Variants in ICE1 observed in about 807,000 individuals in gnomAD.
The protein encoded by ICE1 is interactor of little elongation complex ELL subunit 1.
ICE1 carries 64 observed loss-of-function variants against 192.7 expected under a neutral mutation model. That is an observed-to-expected ratio of 0.33 (90% CI 0.27 to 0.41). ICE1 has a LOEUF of 0.41. Ranked by LOEUF, ICE1 falls within the 10% of genes least tolerant of loss-of-function variation. The probability of loss-of-function intolerance (pLI) is 1.00; values close to 1 mark genes in which losing one functional copy is unlikely to be tolerated. For synonymous variants in ICE1, 1,010 were observed against 984.5 expected (o/e 1.03, Z -0.49); for missense variants, 2,708 against 2,696.0 (o/e 1.00, Z -0.10).
Position 5,461,320 on chromosome 5 carries a change from A to G in ICE1, c.1986A>G (p.Lys662=). 1 of 1,613,962 alleles carries G rather than the reference A, an allele frequency of 6.2e-7. No individual in the cohort carries two copies. Among genetic ancestry groups the G allele is most frequent in the East Asian group, 2.2e-5 (1 of 44,874 alleles). ...GTAATGATACAGATATTACTACTAA[A>G]GTATTCTCTACTGAACCGCATCATT... is the stretch of plus-strand genomic sequence containing the variant. ...DCGNDTDITT[K]VFSTEPHHSE... is the part of the protein sequence containing the mutation. Residue 662 remains lysine, a synonymous_variant, in exon 13 of 19, where the codon AAA becomes AAG. Transcript: ENST00000296564.
Position 5,460,820 on chromosome 5 carries a change from C to G in ICE1, c.1486C>G (p.Gln496Glu), listed in dbSNP as rs1192652280. ...MEVREMDKSV[Q>E]TEKTIHKLTR... ...GGTTAGGGAGATGGATAAGTCAGTA[C>G]AAACTGAGAAGACCATTCATAAACT... The change falls in exon 13 of 19, where the codon CAA becomes GAA. Residue 496 changes from glutamine (Q) to glutamate (E), a missense_variant. Physicochemically the swap from Gln to Glu is conservative, Grantham distance 29. This residue lies in a region of ICE1 where 2,366 missense variants were observed against 2,276.6 expected (regional missense o/e 1.04). Coordinates refer to ENST00000296564, the MANE Select transcript of ICE1 (RefSeq NM_015325.3). 6.2e-7 allele frequency: 1 copy of G among 1,614,010 alleles called. No individual in the cohort carries two copies. Among genetic ancestry groups the G allele is most frequent in the African/African-American group, 1.3e-5 (1 of 75,032 alleles).
At chr5:5,482,037 A>G (rs1261909629) in intron 17 of ICE1, among the ~76,000 whole-genome samples, 1 of 152,262 alleles carries the variant, frequency 6.6e-6, no homozygotes, top group Non-Finnish European at 1.5e-5. Flanking sequence ...TAGATGTCAC[A>G]AAACTCTTTT....
In ICE1 at chr5:5,437,065, T is replaced by G; in HGVS notation, c.144-15T>G. On this transcript the variant is annotated splice_polypyrimidine_tract_variant and intron_variant, in intron 2 of 18. Transcript: ENST00000296564. ...AAATTAAAAAGTAACCTAATTTTTC[T>G]TTTCTTTTTTGCAGTAATTTGTTAA... The G allele has an allele frequency of 6.9e-7, 1 of 1,439,634 alleles. No individual in the cohort carries two copies. The highest frequency in any genetic ancestry group is 2.4e-5 in the East Asian group (1 of 40,854). The allele number at this position is 1,439,634 out of a possible 1,614,324, so 89.2% of individuals were successfully genotyped here.
chr5:5,468,165 T>C (rs1409766323), intron 14 of ICE1, among the ~76,000 whole-genome samples: 1 of 152,218 alleles, frequency 6.6e-6, no homozygotes, highest in African/African-American at 2.4e-5. Flanking sequence ...AGAAAGTACC[T>C]ACTTCACAAA....
intron 17 of ICE1, among the ~76,000 whole-genome samples, chr5:5,478,607 AT>A (rs1739409101): frequency 6.6e-6 from 1 of 152,226 alleles, no homozygotes; most frequent in African/African-American, 2.4e-5. Context: ...ACTACTTTAA[AT>A]TTCATATGGA....
intron 1 of ICE1, among the ~76,000 whole-genome samples, chr5:5,433,514 T>C (rs771846992): frequency 1.3e-5 from 2 of 152,170 alleles, no homozygotes; most frequent in African/African-American, 2.4e-5. Flanking sequence ...TCTTTTATCC[T>C]CTTGTCATCC....
In ICE1 at chr5:5,473,549, A is replaced by G; in HGVS notation, c.6223-9A>G. On this transcript the variant is annotated splice_polypyrimidine_tract_variant and intron_variant, in intron 15 of 18. Transcript: ENST00000296564. ...TCCAGATTTTATTTTATTTCTTTTC[A>G]TTTGCTAGAATGCCCCGGTAGATGT... 1 of 1,598,400 alleles carries G rather than the reference A, an allele frequency of 6.3e-7. No homozygotes were observed. The highest frequency in any genetic ancestry group is 8.5e-7 in the Non-Finnish European group (1 of 1,176,118).
In ICE1 at chr5:5,464,694, C is replaced by T. The variant is rs370539758; in HGVS notation, c.5360C>T (p.Pro1787Leu). 35 of 1,613,772 alleles carry T rather than the reference C, an allele frequency of 2.2e-5. No individual in the cohort carries two copies. Among genetic ancestry groups the T allele is most frequent in the African/African-American group, 1.9e-4 (14 of 74,906 alleles). ...CCGCCTGCTGACTGTAAGAATTTAC[C>T]GGGACCTGCCAGTGCTATGATAGGA... ...RGPPADCKNL[P>L]GPASAMIGFK... Residue 1787 changes from proline (P) to leucine (L), a missense_variant, in exon 13 of 19, where the codon CCG becomes CTG. Around this residue, in one of 2 missense-constraint regions of ICE1, gnomAD observed 2,366 missense variants for 2,276.6 expected, o/e 1.04. Coordinates refer to ENST00000296564, the MANE Select transcript of ICE1 (RefSeq NM_015325.3). The surrounding 1 kb of genome is among the most constrained non-coding windows in gnomAD (Gnocchi z 4.0).
At chr5:5,478,550 C>T (rs1389076341) in intron 17 of ICE1, among the ~76,000 whole-genome samples, 1 of 152,154 alleles carries the variant, frequency 6.6e-6, no homozygotes, top group Non-Finnish European at 1.5e-5. Context: ...AGATTCAATG[C>T]TATTTCCATC....
Position 5,478,536 on chromosome 5 carries a change from T to G in ICE1, c.6520+2457T>G, listed in dbSNP as rs546772992. 3.3e-5 allele frequency among the ~76,000 whole-genome samples: 5 copies of G among 152,310 alleles called. No homozygotes were observed. In the East Asian group the frequency reaches 5.8e-4, roughly 18 times the overall value. On this transcript the variant is annotated intron_variant, in intron 17 of 18. Coordinates refer to ENST00000296564, the MANE Select transcript of ICE1 (RefSeq NM_015325.3). Reference sequence around the variant, plus strand: ...AAATAACCACACTGCCCAAAGTAATTTATAGATTCAATGCTATTTCCATCA... The same window carrying G: ...AAATAACCACACTGCCCAAAGTAATGTATAGATTCAATGCTATTTCCATCA...
intron 18 of ICE1, among the ~76,000 whole-genome samples, chr5:5,488,755 T>G (rs959097920): frequency 5.9e-5 from 9 of 152,226 alleles, no homozygotes; most frequent in African/African-American, 2.2e-4. Context: ...CGTGGATATC[T>G]CATAGAGTCA....
At chr5:5,428,000 A>G (rs1265758428) in intron 1 of ICE1, among the ~76,000 whole-genome samples, 1 of 152,206 alleles carries the variant, frequency 6.6e-6, no homozygotes, top group Non-Finnish European at 1.5e-5. Context: ...GGTCTGAAAG[A>G]TGATTTGCAG....
intron 18 of ICE1, among the ~76,000 whole-genome samples, chr5:5,487,508 C>A (rs1176045387): frequency 6.6e-6 from 1 of 152,152 alleles, no homozygotes; most frequent in East Asian, 1.9e-4. Context: ...GGTAGGTTGT[C>A]TTCAGCTTTC....
rs914703652 is a variant in ICE1 at position 5,464,784 on chromosome 5, G to A, written c.5450G>A (p.Cys1817Tyr). 6.2e-7 allele frequency: 1 copy of A among 1,613,574 alleles called. No individual in the cohort carries two copies. The highest frequency in any genetic ancestry group is 8.5e-7 in the Non-Finnish European group (1 of 1,179,790). ...ACTGGGAGCAGCTCTGGTGGTGACT[G>A]TAACCAAGACAAGTCAAGAGATTTG... ...VKTGSSSGGD[C>Y]NQDKSRDLGT... Residue 1817 changes from cysteine to tyrosine, a missense_variant, in exon 13 of 19, where the codon TGT (cysteine) becomes TAT (tyrosine). Coordinates refer to ENST00000296564, the MANE Select transcript of ICE1 (RefSeq NM_015325.3). This position sits in a 1 kb window ranked among gnomAD's most constrained non-coding sequence, Gnocchi z 4.0.
At chr5:5,479,273 A>C (rs969187233) in intron 17 of ICE1, among the ~76,000 whole-genome samples, 11 of 151,526 alleles carry the variant, frequency 7.3e-5, no homozygotes, top group Admixed American at 2.6e-4. Flanking sequence ...CCTATCAAAA[A>C]GTGGGCAAAG....
chr5:5,446,771 CAG>C (rs1347637387), intron 7 of ICE1, among the ~76,000 whole-genome samples: 1 of 152,046 alleles, frequency 6.6e-6, no homozygotes, highest in Non-Finnish European at 1.5e-5. Context: ...TTAGAGGAGT[CAG>C]GAGAGGATTG....
chr5:5,483,736 T>G (rs1739568818), intron 17 of ICE1, among the ~76,000 whole-genome samples: 2 of 152,256 alleles, frequency 1.3e-5, no homozygotes, highest in African/African-American at 4.8e-5. Flanking sequence ...TCCTGAATAA[T>G]TTGCCCCTCC....
chr5:5,457,414 G>A lies in ICE1; in HGVS notation c.774G>A (p.Arg258=). The A allele has an allele frequency of 6.2e-7, 1 of 1,613,758 alleles. No homozygotes were observed. Among genetic ancestry groups the A allele is most frequent in the Non-Finnish European group, 8.5e-7 (1 of 1,179,794 alleles). Residue 258 remains arginine, a synonymous_variant, in exon 12 of 19, where the codon AGG becomes AGA. Coordinates refer to ENST00000296564, the MANE Select transcript of ICE1 (RefSeq NM_015325.3). Reference sequence around the variant, plus strand: ...CTCCAACACAGGGCAGCCCTCTCAGGACCTCAAATGTGCAGACATGCCTCA... The same window carrying A: ...CTCCAACACAGGGCAGCCCTCTCAGAACCTCAAATGTGCAGACATGCCTCA... ...TLPPTQGSPL[R]TSNVQTCLTK...
chr5:5,457,989 A>G (rs767795645), intron 12 of ICE1, among the ~76,000 whole-genome samples: 8 of 152,190 alleles, frequency 5.3e-5, no homozygotes, highest in Non-Finnish European at 1.0e-4. Flanking sequence ...CCAAATTACA[A>G]GTTTTCTATA....
Sources: gnomAD v4.1 joint callset for allele counts (sites outside exome capture counted in the v4.1 genomes callset) on GRCh38, gnomAD v4.1.1 for gene constraint, gnomAD v4.1.1 regional missense constraint, Gnocchi (gnomAD v3.1) non-coding constraint, MANE v1.5 for transcripts, NCBI Gene and HGNC (gene_info 2026-07-23, HGNC 2026-07-21) for gene names.